The following RPH3A variants were observed in gnomAD, a reference collection of about 807,000 sequenced individuals.
RPH3A encodes the protein rabphilin 3A, also known as rabphilin-3A.
A neutral mutation model predicts 102.2 loss-of-function variants in RPH3A; 48 were observed. The ratio of observed to expected loss-of-function variants is 0.47; its 90% confidence interval spans 0.37 to 0.60. The LOEUF is 0.60. Among genes scored for constraint, RPH3A ranks in the 20% least tolerant of loss-of-function variants. RPH3A has a pLI of 0.00. For missense variants in RPH3A, 781 were observed against 910.1 expected (o/e 0.86, Z 1.83); for synonymous variants, 310 against 324.3 (o/e 0.96, Z 0.47).
intron 12 of RPH3A, among the ~76,000 whole-genome samples, 191 bp from the exon 13 acceptor site, chr12:112,876,451 C>G (rs536268373): frequency 2.0e-5 from 3 of 152,170 alleles, no homozygotes; most frequent in Non-Finnish European, 4.4e-5. Context: ...TTTGTACCCC[C>G]ACAAGGTCTG....
At chr12:112,695,386 G>C (rs768860928) in intron 1 of RPH3A, among the ~76,000 whole-genome samples, 1 of 152,176 alleles carries the variant, frequency 6.6e-6, no homozygotes, top group Non-Finnish European at 1.5e-5. Context: ...TTATTCCAGA[G>C]TAAGCACATT....
rs150668606 is a variant in RPH3A at position 112,718,793 on chromosome 12, C to A, written c.-139-73350C>A. 1.4e-3 allele frequency among the ~76,000 whole-genome samples: 215 copies of A among 152,334 alleles called. 2 individuals carry two copies. The highest frequency in any genetic ancestry group is 5.0e-3 in the African/African-American group (209 of 41,572). On this transcript the variant is annotated intron_variant, in intron 1 of 21. Transcript: ENST00000543106. ...TGTAGCCCTGCATAGAGGAAGATGG[C>A]AGCCTCTTCAGGCTTAGAAGGAAGG...
chr12:112,710,068 G>A (rs565626783), intron 1 of RPH3A, among the ~76,000 whole-genome samples: 56 of 152,130 alleles, frequency 3.7e-4, no homozygotes, highest in Admixed American at 3.1e-3. Flanking sequence ...TCCGCCGCCC[G>A]GGTTCACACC....
chr12:112,831,103 AT>A (rs34625027), intron 3 of RPH3A, among the ~76,000 whole-genome samples: 270 of 144,304 alleles, frequency 1.9e-3, no homozygotes, highest in Non-Finnish European at 1.8e-3. Context: ...TGGGCATGGC[AT>A]TTTTTTTTTT....
At chr12:112,723,497 T>C (rs2040565319) in intron 1 of RPH3A, among the ~76,000 whole-genome samples, 1 of 152,210 alleles carries the variant, frequency 6.6e-6, no homozygotes, top group Non-Finnish European at 1.5e-5. Flanking sequence ...CAATCCAAGA[T>C]ACATATCCTG....
intron 5 of RPH3A, among the ~76,000 whole-genome samples, chr12:112,852,811 A>T (rs909575200): frequency 6.6e-6 from 1 of 152,134 alleles, no homozygotes; most frequent in African/African-American, 2.4e-5. Flanking sequence ...ATTGGTTTGC[A>T]TTTCCACCTC....
chr12:112,820,859 G>A lies in RPH3A; in HGVS notation c.-18-7442G>A, dbSNP rs147018106. ...CTATGTGGCAATGGGAGAACCATATGGAGGGGACAGTGAGTTTGCTTTGTT... is the reference window on the plus strand; with the variant it reads ...CTATGTGGCAATGGGAGAACCATATAGAGGGGACAGTGAGTTTGCTTTGTT... On this transcript the variant is annotated intron_variant, in intron 2 of 21. Transcript: ENST00000389385. Among the ~76,000 whole-genome samples, 559 of 152,288 alleles carry A rather than the reference G, an allele frequency of 3.7e-3. 4 individuals are homozygous for A. The highest frequency in any genetic ancestry group is 0.013 in the African/African-American group (525 of 41,558).
At chr12:112,636,942 G>A (rs1307655156) in intron 1 of RPH3A, among the ~76,000 whole-genome samples, 7 of 152,026 alleles carry the variant, frequency 4.6e-5, no homozygotes, top group Non-Finnish European at 8.8e-5. Context: ...CCATCTGCAG[G>A]GCAACTGGAA....
chr12:112,840,406 C>T (rs1427603458), intron 4 of RPH3A, among the ~76,000 whole-genome samples: 1 of 152,102 alleles, frequency 6.6e-6, no homozygotes, highest in Non-Finnish European at 1.5e-5. Context: ...ATTCATTGTG[C>T]TACCAAATAT....
intron 15 of RPH3A, 75 bp from the exon 16 acceptor site, chr12:112,883,218 C>A: frequency 8.6e-7 from 1 of 1,169,150 alleles, no homozygotes; most frequent in Non-Finnish European, 1.3e-6. Context: ...CACCCCACGT[C>A]AGCCCAAACG....
Position 112,896,686 on chromosome 12 carries a change from G to A in RPH3A, c.1991G>A (p.Arg664His), listed in dbSNP as rs147348931. The A allele has an allele frequency of 4.6e-5, 74 of 1,614,042 alleles. No individual in the cohort carries two copies. Among genetic ancestry groups the A allele is most frequent in the Admixed American group, 8.3e-5 (5 of 60,010 alleles). The change falls in exon 22 of 22, where the codon CGC becomes CAC. Residue 664 changes from arginine (R) to histidine (H), a missense_variant. Arg to His is a conservative substitution (Grantham distance 29). Coordinates refer to ENST00000389385, the MANE Select transcript of RPH3A (RefSeq NM_001143854.2). ...CQLGISAKGE[R>H]LKHWYECLKN... ...CTGGGGATCTCTGCCAAGGGAGAGC[G>A]CTTAAAACACTGGTACGAGTGTCTG...
chr12:112,836,583 TA>T, intron 4 of RPH3A, 81 bp downstream of exon 4: 1 of 600,252 alleles, frequency 1.7e-6, no homozygotes, highest in Non-Finnish European at 2.5e-6. Context: ...GGCTTTCCCC[TA>T]AAGAGAGATG....
In RPH3A at chr12:112,895,916, C is replaced by T. The variant is rs750771629; in HGVS notation, c.1954+43C>T. 3 of 1,349,474 alleles carry T rather than the reference C, an allele frequency of 2.2e-6. No individual in the cohort carries two copies. The Admixed American group carries it at 5.0e-5, about 23-fold the overall frequency. The allele number at this position is 1,349,474 out of a possible 1,614,324, so 83.6% of individuals were successfully genotyped here. A position where few individuals can be genotyped will look rare whatever the true frequency, so the allele number is the denominator to read the frequency against. On this transcript the variant is annotated intron_variant, in intron 21 of 21. Coordinates refer to ENST00000389385, the MANE Select transcript of RPH3A (RefSeq NM_001143854.2). The stretch of plus-strand genomic sequence containing the variant: ...CAGAGAAAACGCCCTCTTCTGTCCT[C>T]CCCAGAACAGGAGAGCCTTATCCAG...
intron 1 of RPH3A, among the ~76,000 whole-genome samples, chr12:112,682,351 CTTTCTTTTTTT>C (rs1301617831): frequency 7.7e-5 from 6 of 77,684 alleles, no homozygotes; most frequent in South Asian, 3.6e-4. Flanking sequence ...TTTTTTCTTT[CTTTCTTTTTTT>C]TTTTTTTTTC....
chr12:112,818,083 C>T (rs1272308742), intron 2 of RPH3A, among the ~76,000 whole-genome samples: 2 of 151,998 alleles, frequency 1.3e-5, no homozygotes, highest in African/African-American at 4.8e-5. Context: ...GAGGCTGAGG[C>T]GGGCAGATCA....
intron 1 of RPH3A, among the ~76,000 whole-genome samples, chr12:112,724,733 C>T (rs1471476772): frequency 3.3e-5 from 5 of 152,198 alleles, no homozygotes; most frequent in African/African-American, 1.2e-4. Context: ...CTTTGGGAGG[C>T]TGAGCTGGGT....
At chr12:112,712,960 CTTCTTTCTTCTTCT>C (rs2136036659) in intron 1 of RPH3A, among the ~76,000 whole-genome samples, 1 of 106,420 alleles carries the variant, frequency 9.4e-6, no homozygotes, top group Non-Finnish European at 2.0e-5. Context: ...TCTTCTTCTT[CTTCTTTCTTCTTCT>C]TTCTTCTTCG....
At position 112,832,749 on chromosome 12, in the gene RPH3A, A is replaced by T. The variant is rs147452740; in HGVS notation, c.72-3742A>T. Among the ~76,000 whole-genome samples the T allele has an allele frequency of 2.3e-3, 357 of 152,336 alleles. 1 individual carries two copies. Among genetic ancestry groups the T allele is most frequent in the East Asian group, 0.011 (59 of 5,186 alleles). On this transcript the variant is annotated intron_variant, in intron 3 of 21. Transcript: ENST00000389385. Reference sequence around the variant, plus strand: ...TCTCAGCTACTCAGGACGCTGAAGCAGGAGAATTGCTTGAACCCAGGAGTT... The same window carrying T: ...TCTCAGCTACTCAGGACGCTGAAGCTGGAGAATTGCTTGAACCCAGGAGTT...
chr12:112,818,172 C>T (rs903778033), intron 2 of RPH3A, among the ~76,000 whole-genome samples: 24 of 151,830 alleles, frequency 1.6e-4, no homozygotes, highest in African/African-American at 5.1e-4. Context: ...CAGTGGTGAG[C>T]GCCTGTAGTC....
Sources: gnomAD v4.1 joint callset for allele counts (sites outside exome capture counted in the v4.1 genomes callset) on GRCh38, gnomAD v4.1.1 for gene constraint, MANE v1.5 for transcripts, NCBI Gene and HGNC (gene_info 2026-07-23, HGNC 2026-07-21) for gene names.